Variants in PSKH2 observed in about 807,000 individuals in gnomAD.
The protein encoded by PSKH2 is protein serine kinase H2, also known as serine/threonine-protein kinase H2.
In PSKH2, 16 loss-of-function variants were observed where a neutral mutation model predicts 22.5. The ratio of observed to expected loss-of-function variants is 0.71; its 90% CI spans 0.48 to 1.08. The LOEUF is 1.08. PSKH2 is among the 50% of genes least tolerant of loss of function. The pLI is 0.00. For synonymous variants in PSKH2, 188 were observed against 184.8 expected (o/e 1.02, Z -0.14); for missense variants, 516 against 492.8 (o/e 1.05, Z -0.44).
At chr8:86,049,733 A>AGAAAGAAAG (rs1817595011) in intron 2 of PSKH2, among the ~76,000 whole-genome samples, 1 of 50,310 alleles carries the variant, frequency 2.0e-5, no homozygotes, top group South Asian at 7.9e-4. Context: ...AAAGAAAGAA[A>AGAAAGAAAG]GAAAGAAAGA....
chr8:86,064,545 A>G lies in PSKH2; in HGVS notation c.272T>C (p.Ile91Thr), dbSNP rs752613964. ...CCTCTCTCTGGTTTCCATCACTTTT[A>G]TTGCAAAAGGTTTCTTGGTGGTCTT... ...EQKTTKKPFA[I>T]KVMETREREG... The change falls in exon 2 of 3, where the codon ATA becomes ACA. Residue 91 changes from isoleucine to threonine, a missense_variant. By Grantham distance (89) the Ile-to-Thr change is moderately conservative. Coordinates refer to ENST00000276616, the MANE Select transcript of PSKH2 (RefSeq NM_033126.3). 1 of 1,613,422 alleles carries G rather than the reference A, an allele frequency of 6.2e-7. No individual in the cohort carries two copies. Among genetic ancestry groups the G allele is most frequent in the East Asian group, 2.2e-5 (1 of 44,820 alleles).
At chr8:86,065,170 A>G (rs1306998446) in intron 1 of PSKH2, among the ~76,000 whole-genome samples, 1 of 152,178 alleles carries the variant, frequency 6.6e-6, no homozygotes, top group African/African-American at 2.4e-5. Context: ...CAAGTGGGGG[A>G]GAATAAAGTA....
At chr8:86,056,564 T>C (rs1817700075) in intron 2 of PSKH2, among the ~76,000 whole-genome samples, 2 of 152,188 alleles carry the variant, frequency 1.3e-5, no homozygotes, top group African/African-American at 4.8e-5. Context: ...AAATGAAGTT[T>C]GTACTGCAGA....
intron 1 of PSKH2, among the ~76,000 whole-genome samples, chr8:86,065,452 C>T (rs1204274108): frequency 6.6e-6 from 1 of 152,062 alleles, no homozygotes; most frequent in Non-Finnish European, 1.5e-5. Context: ...TGGAATTTCT[C>T]GGCAGTAAAG....
rs1817825862 is a variant in PSKH2 at position 86,064,380 on chromosome 8, A to G, written c.437T>C (p.Phe146Ser). 1 of 1,614,122 alleles carries G rather than the reference A, an allele frequency of 6.2e-7. No homozygotes were observed. Among genetic ancestry groups the G allele is most frequent in the South Asian group, 1.1e-5 (1 of 91,074 alleles). The change falls in exon 2 of 3, where the codon TTT becomes TCT. Residue 146 changes from phenylalanine to serine, a missense_variant. By Grantham distance (155) the Phe-to-Ser change is radical. Coordinates refer to ENST00000276616, the MANE Select transcript of PSKH2 (RefSeq NM_033126.3). ...VMELATGGEL[F>S]DRLIAQGSFT... is the part of the protein sequence containing the mutation. ...GGATCCCTGAGCAATGAGTCGATCA[A>G]AGAGCTCCCCTCCGGTAGCCAGCTC...
Position 86,047,127 on chromosome 8 carries a change from T to G in PSKH2, c.*1335A>C, listed in dbSNP as rs74571064. Among the ~76,000 whole-genome samples, 3,967 of 152,310 alleles carry G rather than the reference T, an allele frequency of 0.026. 154 individuals carry two copies. The highest frequency in any genetic ancestry group is 0.089 in the African/African-American group (3,701 of 41,546). On this transcript the variant is annotated 3_prime_UTR_variant, in exon 3 of 3. Coordinates refer to ENST00000276616, the MANE Select transcript of PSKH2 (RefSeq NM_033126.3). ...TTTTAAATTTTCATTTTCTTTGTCA[T>G]TTTTATTTTCATTTTGTAAATTACA...
At chr8:86,059,758 G>C (rs1257681450) in intron 2 of PSKH2, among the ~76,000 whole-genome samples, 1 of 152,134 alleles carries the variant, frequency 6.6e-6, no homozygotes, top group Non-Finnish European at 1.5e-5. Flanking sequence ...ATCTTTGGTG[G>C]GCCATTATTC....
upstream of PSKH2, chr8:86,069,743 G>T: frequency 1.7e-6 from 2 of 1,186,844 alleles, no homozygotes; most frequent in Non-Finnish European, 2.2e-6. Context: ...AACCCCACTG[G>T]GGGGTCGTGG....
Position 86,069,524 on chromosome 8 carries a change from C to A in PSKH2, c.99G>T (p.Gly33=), listed in dbSNP as rs772532112. Residue 33 remains glycine, a synonymous_variant, in exon 1 of 3, where the codon GGG becomes GGT. Transcript: ENST00000276616. Reference sequence around the variant, plus strand: ...CCTGGGCCGCCGCCTCGGGCCCAGGCCCCGCGCCTCCGACGCCGGCTTGGT... The same window carrying A: ...CCTGGGCCGCCGCCTCGGGCCCAGGACCCGCGCCTCCGACGCCGGCTTGGT... The part of the protein sequence containing the change: ...GQNQAGVGGA[G]PGPEAAAQAA... 2 of 1,608,780 alleles carry A rather than the reference C, an allele frequency of 1.2e-6. No homozygotes were observed. Among genetic ancestry groups the A allele is most frequent in the Admixed American group, 1.7e-5 (1 of 59,584 alleles).
chr8:86,066,812 A>T lies in PSKH2; in HGVS notation c.186-2181T>A, dbSNP rs1444870010. On this transcript the variant is annotated intron_variant, in intron 1 of 2. Coordinates refer to ENST00000276616, the MANE Select transcript of PSKH2 (RefSeq NM_033126.3). ...ATTTAATTTTCTGGCCAATTACCTT[A>T]TCAAAACAGATAGCAATTTAGTAAT... Among the ~76,000 whole-genome samples, 5 of 152,258 alleles carry T rather than the reference A, an allele frequency of 3.3e-5. No homozygotes were observed. The East Asian group carries it at 5.8e-4, about 18-fold the overall frequency.
chr8:86,049,765 A>G (rs183482934), intron 2 of PSKH2, among the ~76,000 whole-genome samples: 2 of 136,296 alleles, frequency 1.5e-5, no homozygotes, highest in South Asian at 2.5e-4. Flanking sequence ...GAAAGAAAGA[A>G]AGAGAAAAGA....
At position 86,048,726 on chromosome 8, in the gene PSKH2, G is replaced by A. The variant is rs201007357; in HGVS notation, c.894C>T (p.Asp298=). 1.2e-4 allele frequency: 186 copies of A among 1,613,706 alleles called. 2 individuals carry two copies. In the South Asian group the frequency reaches 2.0e-3, roughly 17 times the overall value. The change falls in exon 3 of 3, where the codon GAC becomes GAT. Residue 298 remains aspartate, a synonymous_variant. Coordinates refer to ENST00000276616, the MANE Select transcript of PSKH2 (RefSeq NM_033126.3). ...SISHLAKDFI[D]KLLILEAGHR... ...GACCAGCCTCCAAAATCAGTAGTTT[G>A]TCTATAAAGTCCTTCGCCAAGTGGG... is the stretch of plus-strand genomic sequence containing the variant.
intron 1 of PSKH2, 68 bp from the exon 2 acceptor site, chr8:86,064,699 G>A: frequency 8.4e-7 from 1 of 1,193,988 alleles, no homozygotes; most frequent in Non-Finnish European, 1.2e-6. Flanking sequence ...TTAAGTCCAT[G>A]CTTTATATCA....
At chr8:86,061,273 A>T (rs1817774962) in intron 2 of PSKH2, among the ~76,000 whole-genome samples, 1 of 152,172 alleles carries the variant, frequency 6.6e-6, no homozygotes, top group Non-Finnish European at 1.5e-5. Context: ...TCCTCTTCTC[A>T]GTTGCTTTTG....
In PSKH2 at chr8:86,048,397, G is replaced by T; in HGVS notation, c.*65C>A. The T allele has an allele frequency of 8.3e-7, 1 of 1,203,576 alleles. No homozygotes were observed. The highest frequency in any genetic ancestry group is 1.4e-5 in the South Asian group (1 of 73,224). The allele number at this position is 1,203,576 out of a possible 1,614,324, so 74.6% of individuals were successfully genotyped here. A position where few individuals can be genotyped will look rare whatever the true frequency, so the allele number is the denominator to read the frequency against. On this transcript the variant is annotated 3_prime_UTR_variant, in exon 3 of 3. Transcript: ENST00000276616. Reference sequence around the variant, plus strand: ...ATGGAGTCCCGTGTCTTTGGAGCTTGAGGGTGCCCTAATCATGATGAAATG... The same window carrying T: ...ATGGAGTCCCGTGTCTTTGGAGCTTTAGGGTGCCCTAATCATGATGAAATG...
rs1332687043 is a variant in PSKH2, at chr8:86,048,072, C to T, written c.*390G>A. 1.3e-5 allele frequency among the ~76,000 whole-genome samples: 2 copies of T among 152,102 alleles called. No individual in the cohort carries two copies. Among genetic ancestry groups the T allele is most frequent in the Non-Finnish European group, 2.9e-5 (2 of 68,010 alleles). ...TGTATACTGGGGCTTAAATAAAAAT[C>T]AGTAATTTCAGGATAAATACATATA... On this transcript the variant is annotated 3_prime_UTR_variant, in exon 3 of 3. Coordinates refer to ENST00000276616, the MANE Select transcript of PSKH2 (RefSeq NM_033126.3).
At position 86,069,618 on chromosome 8, in the gene PSKH2, C is replaced by A. The variant is rs770519832; in HGVS notation, c.5G>T (p.Gly2Val). 4 of 1,571,840 alleles carry A rather than the reference C, an allele frequency of 2.5e-6. No individual in the cohort carries two copies. Among genetic ancestry groups the A allele is most frequent in the South Asian group, 1.2e-5 (1 of 86,748 alleles). Residue 2 changes from glycine (G) to valine (V), a missense_variant, in exon 1 of 3, where the codon GGG becomes GTG. By Grantham distance (109) the Gly-to-Val change is moderately radical (BLOSUM62 -3). Coordinates refer to ENST00000276616, the MANE Select transcript of PSKH2 (RefSeq NM_033126.3). M[G>V]CGASRKVVPG... ...GACCACCTTCCTGCTGGCGCCGCAC[C>A]CCATACCCGCAACACGCCCGCCGCT... is the stretch of plus-strand genomic sequence containing the variant.
intron 1 of PSKH2, among the ~76,000 whole-genome samples, chr8:86,068,837 C>A (rs906401939): frequency 6.6e-6 from 1 of 152,092 alleles, no homozygotes; most frequent in Non-Finnish European, 1.5e-5. Context: ...CTCACACCCC[C>A]ACCCCCCACC....
In PSKH2 at chr8:86,048,277, G is replaced by T; in HGVS notation, c.*185C>A. On this transcript the variant is annotated 3_prime_UTR_variant, in exon 3 of 3. Transcript: ENST00000276616. ...GTATTTACTAAACTGTTAATCATTT[G>T]CAGCAGTATATTTTGGGAAAATGAA... 1.9e-6 allele frequency: 1 copy of T among 516,104 alleles called. No individual in the cohort carries two copies. The allele number at this position is 516,104 out of a possible 1,614,324, so 32.0% of individuals were successfully genotyped here. A position where few individuals can be genotyped will look rare whatever the true frequency, so the allele number is the denominator to read the frequency against.
Sources: gnomAD v4.1 joint callset for allele counts (sites outside exome capture counted in the v4.1 genomes callset) on GRCh38, gnomAD v4.1.1 for gene constraint, MANE v1.5 for transcripts, NCBI Gene and HGNC (gene_info 2026-07-23, HGNC 2026-07-21) for gene names.